WWOX: variants seen among roughly 807,000 people sequenced by gnomAD.
WWOX encodes WW domain-containing oxidoreductase.
A neutral mutation model predicts 46.2 loss-of-function variants in WWOX; 69 were observed. The ratio of observed to expected loss-of-function variants is 1.49; its 90% confidence interval spans 1.23 to 1.82. The LOEUF (loss-of-function observed/expected upper bound fraction) is 1.82. Among genes scored for constraint, WWOX ranks in the 40% most tolerant of loss-of-function variants. The pLI is 0.00. For missense variants in WWOX, 919 were observed against 542.6 expected (o/e 1.69, Z -6.89); for synonymous variants, 359 against 202.6 (o/e 1.77, Z -6.56).
intron 5 of WWOX, among the ~76,000 whole-genome samples, chr16:78,192,618 A>G (rs1275183163): frequency 2.6e-5 from 4 of 152,158 alleles, no homozygotes; most frequent in East Asian, 1.9e-4. Context: ...ATACTTTGTA[A>G]TGTTACTGGT....
chr16:78,434,292 C>G (rs1046383828), intron 8 of WWOX, among the ~76,000 whole-genome samples: 1 of 152,154 alleles, frequency 6.6e-6, no homozygotes, highest in African/African-American at 2.4e-5. Flanking sequence ...TGGGATTGAT[C>G]TCTAGGAAGT....
chr16:78,537,282 C>T (rs2043782259), intron 8 of WWOX, among the ~76,000 whole-genome samples: 1 of 152,092 alleles, frequency 6.6e-6, no homozygotes, highest in Non-Finnish European at 1.5e-5. Flanking sequence ...TTCCTTCCAT[C>T]TGTTTGTTAT....
At chr16:79,069,881 A>C (rs1472602989) in intron 8 of WWOX, among the ~76,000 whole-genome samples, 3 of 152,184 alleles carry the variant, frequency 2.0e-5, no homozygotes, top group Non-Finnish European at 1.5e-5. Flanking sequence ...GACTCATTGA[A>C]AAACACCTTG....
intron 8 of WWOX, among the ~76,000 whole-genome samples, chr16:78,865,884 T>C (rs1337904649): frequency 6.6e-6 from 1 of 152,138 alleles, no homozygotes; most frequent in Non-Finnish European, 1.5e-5. Flanking sequence ...TCTCAAAAAA[T>C]AAACAAGAAT....
chr16:79,033,989 C>G (rs1360467745), intron 8 of WWOX, among the ~76,000 whole-genome samples: 3 of 152,202 alleles, frequency 2.0e-5, no homozygotes, highest in Non-Finnish European at 2.9e-5. Flanking sequence ...ACGCAGGGGA[C>G]TCCTGATTCA....
intron 5 of WWOX, among the ~76,000 whole-genome samples, chr16:78,337,326 G>C (rs1409140611): frequency 1.3e-5 from 2 of 152,180 alleles, no homozygotes; most frequent in East Asian, 3.9e-4. Context: ...TGAGTATATA[G>C]TACATAAGGT....
intron 8 of WWOX, among the ~76,000 whole-genome samples, chr16:78,984,038 C>T (rs969743599): frequency 8.6e-5 from 13 of 150,948 alleles, no homozygotes; most frequent in African/African-American, 2.2e-4. Context: ...CCACCATGCC[C>T]GGCTATTTTT....
At chr16:78,416,808 G>T (rs1198133684) in intron 6 of WWOX, among the ~76,000 whole-genome samples, 2 of 152,214 alleles carry the variant, frequency 1.3e-5, no homozygotes, top group Non-Finnish European at 2.9e-5. Flanking sequence ...ATCTAAGCTG[G>T]CAGGCCAGCA....
At chr16:78,702,857 A>G (rs945251052) in intron 8 of WWOX, among the ~76,000 whole-genome samples, 1 of 152,042 alleles carries the variant, frequency 6.6e-6, no homozygotes, top group Non-Finnish European at 1.5e-5. Context: ...CTTTTCCACC[A>G]TTGTTAAATC....
intron 8 of WWOX, among the ~76,000 whole-genome samples, chr16:78,893,075 C>G (rs145031506): frequency 1.3e-5 from 2 of 152,076 alleles, no homozygotes; most frequent in African/African-American, 4.8e-5. Context: ...GCACTGGAGT[C>G]AGGAGTTTCC....
chr16:79,205,207 T>G (rs1216894199), intron 8 of WWOX: 1 of 152,232 alleles, frequency 6.6e-6, no homozygotes, highest in Non-Finnish European at 1.5e-5. Context: ...AATTTGTGGT[T>G]GTGGTCTGTG....
chr16:78,149,485 A>G (rs553262014), intron 4 of WWOX, among the ~76,000 whole-genome samples: 2 of 152,232 alleles, frequency 1.3e-5, no homozygotes, highest in Non-Finnish European at 1.5e-5. Context: ...TTGCCAATGC[A>G]TCACTGTCTG....
chr16:78,163,102 T>C lies in WWOX; in HGVS notation c.410-1081T>C, dbSNP rs891489872. On this transcript the variant is annotated intron_variant, in intron 4 of 8. Coordinates refer to ENST00000566780, the MANE Select transcript of WWOX (RefSeq NM_016373.4). ...GTGCATTTATTTCCATTTGTTCCCC[T>C]CTGGCTTTTGGTGAAGTTTTTTCTT... Among the ~76,000 whole-genome samples the C allele has an allele frequency of 1.1e-4, 16 of 152,330 alleles. No individual in the cohort carries two copies. The South Asian group carries it at 3.3e-3, about 32-fold the overall frequency.
chr16:78,548,652 T>C (rs1038186506), intron 8 of WWOX, among the ~76,000 whole-genome samples: 2 of 152,326 alleles, frequency 1.3e-5, no homozygotes, highest in East Asian at 3.9e-4. Context: ...GCAGTATTGT[T>C]CCATCCGCCT....
intron 5 of WWOX, among the ~76,000 whole-genome samples, chr16:78,212,809 C>A (rs1205838105): frequency 6.6e-6 from 1 of 152,156 alleles, no homozygotes; most frequent in Non-Finnish European, 1.5e-5. Context: ...CAGGATGGAA[C>A]TTGAACTGCT....
intron 8 of WWOX, among the ~76,000 whole-genome samples, chr16:79,194,505 A>G (rs1220180735): frequency 2.6e-5 from 4 of 152,112 alleles, no homozygotes; most frequent in African/African-American, 9.7e-5. Context: ...CTTTGTAAGG[A>G]CACAAGTGGT....
chr16:79,092,004 C>A (rs1015001916), intron 8 of WWOX, among the ~76,000 whole-genome samples: 3 of 152,042 alleles, frequency 2.0e-5, no homozygotes, highest in African/African-American at 7.2e-5. Context: ...TGGTCTCGAT[C>A]TCTTGACCTC....
chr16:78,182,325 C>G (rs2151754397), intron 5 of WWOX, among the ~76,000 whole-genome samples: 1 of 152,224 alleles, frequency 6.6e-6, no homozygotes, highest in East Asian at 1.9e-4. Context: ...ATGCTTGGGG[C>G]TCTGCCTACC....
intron 5 of WWOX, among the ~76,000 whole-genome samples, chr16:78,306,693 C>G (rs2080140012): frequency 6.6e-6 from 1 of 151,886 alleles, no homozygotes. Flanking sequence ...AGCCCTATGC[C>G]TTCCCACAAT....
Sources: gnomAD v4.1 joint callset for allele counts (sites outside exome capture counted in the v4.1 genomes callset) on GRCh38, gnomAD v4.1.1 for gene constraint, MANE v1.5 for transcripts, NCBI Gene and HGNC (gene_info 2026-07-23, HGNC 2026-07-21) for gene names.